PPP1R9A: variants seen among roughly 807,000 people sequenced by gnomAD.
PPP1R9A encodes the protein neurabin-1.
In PPP1R9A, 59 loss-of-function variants were observed where a neutral mutation model predicts 141.9. The ratio of observed to expected loss-of-function variants is 0.42; its 90% CI spans 0.34 to 0.52. The LOEUF (loss-of-function observed/expected upper bound fraction) is 0.52. PPP1R9A is among the 20% of genes least tolerant of loss of function. The probability of loss-of-function intolerance (pLI) is 0.10; values close to 1 mark genes in which losing one functional copy is unlikely to be tolerated. For missense variants in PPP1R9A, 1,444 were observed against 1,611.9 expected (o/e 0.90, Z 1.78); for synonymous variants, 500 against 569.7 (o/e 0.88, Z 1.74).
intron 18 of PPP1R9A, chr7:95,287,058 C>T: frequency 6.4e-7 from 1 of 1,553,374 alleles, no homozygotes; most frequent in South Asian, 1.1e-5. Flanking sequence ...TGTTGTGTCT[C>T]CTGTTTCTGT....
intron 16 of PPP1R9A, among the ~76,000 whole-genome samples, chr7:95,276,788 C>A (rs556844971): frequency 1.3e-5 from 2 of 152,246 alleles, no homozygotes; most frequent in African/African-American, 4.8e-5. Context: ...AAGAAGGACA[C>A]TTTTCTCTTG....
chr7:94,962,349 G>A (rs1384506297), intron 2 of PPP1R9A, among the ~76,000 whole-genome samples: 1 of 151,792 alleles, frequency 6.6e-6, no homozygotes, highest in Non-Finnish European at 1.5e-5. Context: ...TCCTGATAAA[G>A]CAAAGTTCTC....
chr7:95,062,297 A>G (rs1812342151), intron 2 of PPP1R9A, among the ~76,000 whole-genome samples: 1 of 152,324 alleles, frequency 6.6e-6, no homozygotes, highest in South Asian at 2.1e-4. Context: ...TTGAGATGGC[A>G]TAAGAAGGGC....
chr7:95,216,601 T>A (rs945768012), intron 7 of PPP1R9A, among the ~76,000 whole-genome samples: 1 of 152,212 alleles, frequency 6.6e-6, no homozygotes, highest in Non-Finnish European at 1.5e-5. Context: ...TCCATGAGCA[T>A]GGAATGTTCT....
intron 2 of PPP1R9A, among the ~76,000 whole-genome samples, chr7:95,028,411 A>G (rs780543655): frequency 5.3e-5 from 8 of 152,210 alleles, no homozygotes; most frequent in Non-Finnish European, 7.3e-5. Flanking sequence ...ATTGCTTACT[A>G]TATATTTGGA....
intron 2 of PPP1R9A, among the ~76,000 whole-genome samples, chr7:94,953,318 T>C (rs1796691907): frequency 6.6e-6 from 1 of 152,106 alleles, no homozygotes; most frequent in Non-Finnish European, 1.5e-5. Flanking sequence ...TTGGTCTATA[T>C]ATCTGTTTTG....
At chr7:95,221,358 A>G (rs768387913) in intron 7 of PPP1R9A, among the ~76,000 whole-genome samples, 11 of 152,106 alleles carry the variant, frequency 7.2e-5, no homozygotes, top group African/African-American at 1.2e-4. Flanking sequence ...GGACTTGAAC[A>G]CAGTTCTACG....
intron 2 of PPP1R9A, among the ~76,000 whole-genome samples, chr7:95,004,325 T>G: frequency 6.6e-6 from 1 of 151,904 alleles, no homozygotes; most frequent in East Asian, 1.9e-4. Flanking sequence ...TTTAAAACAG[T>G]ATGACGGCCA....
chr7:95,192,011 T>A (rs1019798901), intron 5 of PPP1R9A, among the ~76,000 whole-genome samples: 17 of 152,206 alleles, frequency 1.1e-4, no homozygotes, highest in Middle Eastern at 3.4e-3. Flanking sequence ...ATTGTTATAT[T>A]TTTGAAGGTT....
chr7:95,046,622 C>A (rs937765670), intron 2 of PPP1R9A, among the ~76,000 whole-genome samples: 3 of 152,096 alleles, frequency 2.0e-5, no homozygotes, highest in African/African-American at 7.2e-5. Context: ...AGATAGAGGC[C>A]TGCATGGGTA....
At chr7:95,122,437 T>G (rs926892022) in intron 4 of PPP1R9A, among the ~76,000 whole-genome samples, 2 of 152,168 alleles carry the variant, frequency 1.3e-5, no homozygotes, top group African/African-American at 4.8e-5. Flanking sequence ...GTGAGCCACC[T>G]TGCCTGGCCC....
chr7:95,226,045 C>T lies in PPP1R9A; in HGVS notation c.2041C>T (p.Leu681=). Residue 681 remains leucine (L), a synonymous_variant, in exon 8 of 20, where the codon CTG becomes TTG. Transcript: ENST00000433360. ...CGACATGGCCATTGAAGTCTTTGAGCTGCCTGAGAATGAGGACATGTTTTC... is the reference window on the plus strand; with the variant it reads ...CGACATGGCCATTGAAGTCTTTGAGTTGCCTGAGAATGAGGACATGTTTTC... ...GSDMAIEVFE[L]PENEDMFSPS... The T allele has an allele frequency of 6.2e-7, 1 of 1,613,672 alleles. No homozygotes were observed. The highest frequency in any genetic ancestry group is 2.2e-5 in the East Asian group (1 of 44,868).
chr7:95,134,505 C>T lies in PPP1R9A; in HGVS notation c.1649+13673C>T, dbSNP rs139397813. ...AGTCTAGAGTGCAATGGCGTGATCT[C>T]GGCTCACCACAACCTCTGCCTCCCA... is the stretch of plus-strand genomic sequence containing the variant. On this transcript the variant is annotated intron_variant, in intron 4 of 19. Transcript: ENST00000433360. Among the ~76,000 whole-genome samples the T allele has an allele frequency of 7.1e-3, 1,081 of 152,198 alleles. 15 individuals are homozygous for T. The highest frequency in any genetic ancestry group is 0.024 in the African/African-American group (1,016 of 41,522).
chr7:95,214,599 T>A (rs1792882053), intron 7 of PPP1R9A, among the ~76,000 whole-genome samples: 1 of 152,036 alleles, frequency 6.6e-6, no homozygotes, highest in Non-Finnish European at 1.5e-5. Flanking sequence ...CATTCAGCCC[T>A]CACTCAGTGG....
At chr7:95,236,028 T>C (rs1282944483) in intron 8 of PPP1R9A, among the ~76,000 whole-genome samples, 4 of 152,114 alleles carry the variant, frequency 2.6e-5, no homozygotes, top group African/African-American at 4.8e-5. Flanking sequence ...AGACTACACA[T>C]TGGGTACAGT....
At chr7:94,993,327 G>A (rs1472523506) in intron 2 of PPP1R9A, among the ~76,000 whole-genome samples, 1 of 152,078 alleles carries the variant, frequency 6.6e-6, no homozygotes, top group Non-Finnish European at 1.5e-5. Flanking sequence ...ATCCTTAAAA[G>A]CAGGAACAGT....
At chr7:94,939,636 A>G (rs1405403669) in intron 2 of PPP1R9A, among the ~76,000 whole-genome samples, 1 of 152,070 alleles carries the variant, frequency 6.6e-6, no homozygotes, top group African/African-American at 2.4e-5. Flanking sequence ...ATCATTGAAC[A>G]GTTTATGTAA....
rs576320621 is a variant in PPP1R9A, at chr7:95,098,050, A to G, written c.1396-13209A>G. Among the ~76,000 whole-genome samples, 5 of 152,358 alleles carry G rather than the reference A, an allele frequency of 3.3e-5. 1 individual carries two copies. The East Asian group carries it at 9.6e-4, about 29-fold the overall frequency. ...TTCAGCTCTGCTCTTCAGGCCTTTC[A>G]ACTGATTCAGTGAGGCCCACCCAGA... On this transcript the variant is annotated intron_variant, in intron 2 of 19. Transcript: ENST00000433360.
At chr7:95,068,922 C>G (rs1813366079) in intron 2 of PPP1R9A, among the ~76,000 whole-genome samples, 1 of 152,176 alleles carries the variant, frequency 6.6e-6, no homozygotes, top group African/African-American at 2.4e-5. Flanking sequence ...GTAATTCATG[C>G]AGAGCCGGCT....
Sources: gnomAD v4.1 joint callset for allele counts (sites outside exome capture counted in the v4.1 genomes callset) on GRCh38, gnomAD v4.1.1 for gene constraint, MANE v1.5 for transcripts, NCBI Gene and HGNC (gene_info 2026-07-23, HGNC 2026-07-21) for gene names.